Variants in RARB observed in about 807,000 individuals in gnomAD.
RARB encodes the protein retinoic acid receptor beta.
A neutral mutation model predicts 51.9 loss-of-function variants in RARB; 17 were observed. The observed-to-expected ratio is 0.33, with a 90% CI of 0.22 to 0.49. The LOEUF is 0.49. Ranked by LOEUF, RARB falls within the 20% of genes least tolerant of loss-of-function variation. RARB has a pLI of 0.99. For synonymous variants in RARB, 215 were observed against 195.4 expected (o/e 1.10, Z -0.84); for missense variants, 369 against 550.8 (o/e 0.67, Z 3.30).
intron 2 of RARB, among the ~76,000 whole-genome samples, chr3:25,476,250 C>A (rs1044868825): frequency 1.3e-5 from 2 of 152,160 alleles, no homozygotes; most frequent in Non-Finnish European, 2.9e-5. Flanking sequence ...ATGTTTACTC[C>A]TTTCTTCTGC....
At chr3:25,220,241 T>C (rs745917762) in intron 5 of RARB, among the ~76,000 whole-genome samples, 3 of 152,174 alleles carry the variant, frequency 2.0e-5, no homozygotes, top group Non-Finnish European at 4.4e-5. Flanking sequence ...CAACAAGTAA[T>C]AGAAAATTTC....
intron 2 of RARB, among the ~76,000 whole-genome samples, chr3:24,971,194 C>T (rs943209093): frequency 5.9e-5 from 9 of 151,864 alleles, no homozygotes; most frequent in African/African-American, 2.2e-4. Context: ...TGTCTCCATG[C>T]ATTATATCTT....
At chr3:25,432,112 A>G (rs1172196312) in intron 1 of RARB, among the ~76,000 whole-genome samples, 2 of 152,200 alleles carry the variant, frequency 1.3e-5, no homozygotes, top group Non-Finnish European at 2.9e-5. Flanking sequence ...GAAGAGAAAA[A>G]GAGGGACTTT....
At chr3:25,092,493 T>C (rs994183923) in intron 3 of RARB, among the ~76,000 whole-genome samples, 7 of 152,146 alleles carry the variant, frequency 4.6e-5, no homozygotes, top group African/African-American at 1.7e-4. Context: ...ATTTTTACTA[T>C]TGTTCCTAAT....
chr3:24,897,822 C>T (rs188146678), intron 2 of RARB, among the ~76,000 whole-genome samples: 1 of 150,396 alleles, frequency 6.6e-6, no homozygotes, highest in Admixed American at 6.6e-5. Context: ...TTAAAAGAAA[C>T]TGCCGGACAT....
intron 2 of RARB, among the ~76,000 whole-genome samples, chr3:25,028,378 A>C (rs1341792655): frequency 1.3e-5 from 2 of 152,178 alleles, no homozygotes; most frequent in Admixed American, 6.5e-5. Context: ...GGTGGTTCCC[A>C]AAGTGAAGTC....
intron 2 of RARB, among the ~76,000 whole-genome samples, chr3:25,004,320 G>A (rs984937545): frequency 2.6e-5 from 4 of 152,078 alleles, no homozygotes; most frequent in Non-Finnish European, 5.9e-5. Context: ...CAGCGTTTTA[G>A]TTTGTTTTGT....
chr3:25,212,714 C>T (rs1226216209), intron 5 of RARB, among the ~76,000 whole-genome samples: 1 of 151,956 alleles, frequency 6.6e-6, no homozygotes, highest in African/African-American at 2.4e-5. Flanking sequence ...AATTATCTCT[C>T]CATCTGATGC....
chr3:24,970,557 T>A (rs1327865558), intron 2 of RARB, among the ~76,000 whole-genome samples: 2 of 128,754 alleles, frequency 1.6e-5, no homozygotes, highest in African/African-American at 5.6e-5. Context: ...ATTAAATAAA[T>A]TCCACCAAGT....
intron 3 of RARB, among the ~76,000 whole-genome samples, chr3:25,560,384 G>A (rs1003687386): frequency 2.0e-5 from 3 of 152,224 alleles, no homozygotes; most frequent in South Asian, 2.1e-4. Context: ...ATATCTTAAC[G>A]GTATTTGGCA....
intron 5 of RARB, among the ~76,000 whole-genome samples, chr3:25,402,995 T>A (rs988620269): frequency 2.6e-5 from 4 of 151,954 alleles, no homozygotes; most frequent in African/African-American, 9.7e-5. Context: ...AAACCCCATC[T>A]CTACTAAAAA....
intron 4 of RARB, among the ~76,000 whole-genome samples, chr3:25,142,848 T>G (rs1447991818): frequency 6.6e-6 from 1 of 152,086 alleles, no homozygotes; most frequent in African/African-American, 2.4e-5. Context: ...ATGTGGCCAC[T>G]GAGGAATTGC....
intron 2 of RARB, among the ~76,000 whole-genome samples, chr3:24,872,351 C>A (rs753326014): frequency 7.9e-5 from 12 of 152,184 alleles, no homozygotes; most frequent in Non-Finnish European, 1.6e-4. Context: ...TTTCCTAATC[C>A]CCTCATCTCT....
intron 2 of RARB, among the ~76,000 whole-genome samples, chr3:24,866,035 A>G (rs1366793425): frequency 6.6e-6 from 1 of 152,110 alleles, no homozygotes; most frequent in Non-Finnish European, 1.5e-5. Context: ...AAAGTAAAAC[A>G]TTGGTCCTGA....
At chr3:25,319,256 C>A (rs1358484627) in intron 5 of RARB, among the ~76,000 whole-genome samples, 1 of 152,144 alleles carries the variant, frequency 6.6e-6, no homozygotes, top group Non-Finnish European at 1.5e-5. Context: ...ATCCTGCCAT[C>A]AAACCCTCAG....
intron 2 of RARB, among the ~76,000 whole-genome samples, chr3:24,949,552 T>A (rs928840872): frequency 6.6e-6 from 1 of 152,180 alleles, no homozygotes; most frequent in African/African-American, 2.4e-5. Flanking sequence ...CATTAGAAAA[T>A]TTAAAACAAA....
chr3:24,924,187 A>G (rs925687614), intron 2 of RARB, among the ~76,000 whole-genome samples: 3 of 152,166 alleles, frequency 2.0e-5, no homozygotes, highest in Non-Finnish European at 4.4e-5. Flanking sequence ...GAATTCCTAG[A>G]AAGAAGCCCT....
intron 3 of RARB, among the ~76,000 whole-genome samples, chr3:25,569,265 A>C (rs1700619018): frequency 6.6e-6 from 1 of 152,252 alleles, no homozygotes; most frequent in African/African-American, 2.4e-5. Flanking sequence ...CTCTCAGATG[A>C]GTTTCTTCAA....
At chr3:25,238,449 G>A (rs1702354743) in intron 5 of RARB, among the ~76,000 whole-genome samples, 2 of 152,138 alleles carry the variant, frequency 1.3e-5, no homozygotes, top group Non-Finnish European at 2.9e-5. Flanking sequence ...TTGATGTTGT[G>A]AATAGTGCTG....
Sources: allele counts gnomAD v4.1 joint callset (sites outside exome capture counted in the v4.1 genomes callset), GRCh38; gene constraint gnomAD v4.1.1; transcripts MANE v1.5; gene names NCBI Gene and HGNC (gene_info 2026-07-23, HGNC 2026-07-21).